RUFY1: variants seen among roughly 807,000 people sequenced by gnomAD.
RUFY1 encodes the protein RUN and FYVE domain-containing protein 1.
RUFY1 carries 54 observed loss-of-function variants against 94.6 expected under a neutral mutation model. The observed-to-expected ratio is 0.57, with a 90% CI of 0.46 to 0.72. RUFY1 has a LOEUF of 0.72. Ranked by LOEUF, RUFY1 falls within the 30% of genes least tolerant of loss-of-function variation. The pLI is 0.00. For missense variants in RUFY1, 883 were observed against 883.9 expected, an observed-to-expected ratio of 1.00 and a Z score of 0.01; for synonymous variants, 396 against 347.3, an observed-to-expected ratio of 1.14 and a Z score of -1.56.
rs769638332 is a variant in RUFY1, at chr5:179,607,673, C to T, written c.1983+14C>T. ...TCCCGGAGAAAGGTACGTGGGGGCT[C>T]CACCCACCCTCCCAGTGCCCTGAGT... On this transcript the variant is annotated intron_variant, in intron 17 of 17. Transcript: ENST00000319449. 4.9e-5 allele frequency: 78 copies of T among 1,603,574 alleles called. No homozygotes were observed. The highest frequency in any genetic ancestry group is 6.6e-5 in the Non-Finnish European group (77 of 1,170,892).
chr5:179,576,546 G>C (rs1040895344), intron 5 of RUFY1, among the ~76,000 whole-genome samples: 1 of 152,078 alleles, frequency 6.6e-6, no homozygotes, highest in African/African-American at 2.4e-5. Context: ...TCAGCTTCCC[G>C]ATTAGCTGGG....
At chr5:179,568,598 TTTTA>T (rs2127523514) in intron 4 of RUFY1, among the ~76,000 whole-genome samples, 1 of 152,348 alleles carries the variant, frequency 6.6e-6, no homozygotes, top group African/African-American at 2.4e-5. Context: ...TTTTTCAATT[TTTTA>T]TTTATAATCG....
At chr5:179,580,087 G>T (rs147563065) in intron 6 of RUFY1, among the ~76,000 whole-genome samples, 1 of 152,060 alleles carries the variant, frequency 6.6e-6, no homozygotes, top group Admixed American at 6.6e-5. Context: ...TTTTGCAGAC[G>T]TAAGAAAGAA....
At chr5:179,600,594 A>AT (rs894542269) in intron 14 of RUFY1, among the ~76,000 whole-genome samples, 45 of 149,050 alleles carry the variant, frequency 3.0e-4, no homozygotes, top group African/African-American at 1.1e-3. Flanking sequence ...TCTTCTATAG[A>AT]TTTTTTGAGA....
Position 179,609,590 on chromosome 5 carries a change from G to A in RUFY1, c.*71G>A. 7.3e-7 allele frequency: 1 copy of A among 1,374,376 alleles called. No individual in the cohort carries two copies. The highest frequency in any genetic ancestry group is 2.6e-5 in the Admixed American group (1 of 38,290). The allele number at this position is 1,374,376 out of a possible 1,614,324, so 85.1% of individuals were successfully genotyped here. A position where few individuals can be genotyped will look rare whatever the true frequency, so the allele number is the denominator to read the frequency against. Reference sequence around the variant, plus strand: ...GTGGGTCTCCAGGGGCTTGGGAAATGTGTTCTTTCCCAAGAGTATCAAAGG... The same window carrying A: ...GTGGGTCTCCAGGGGCTTGGGAAATATGTTCTTTCCCAAGAGTATCAAAGG... On this transcript the variant is annotated 3_prime_UTR_variant, in exon 18 of 18. Transcript: ENST00000319449.
intron 17 of RUFY1, chr5:179,608,744 G>A (rs914776333): frequency 4.1e-6 from 2 of 492,334 alleles, no homozygotes; most frequent in Non-Finnish European, 5.3e-6. Flanking sequence ...TGGCCAAGAT[G>A]GTGAAACCCC....
chr5:179,583,123 T>G (rs1764289940), intron 7 of RUFY1, among the ~76,000 whole-genome samples: 4 of 151,188 alleles, frequency 2.6e-5, no homozygotes, highest in Admixed American at 2.0e-4. Context: ...GCCAACATGG[T>G]GAAACCCCAT....
intron 5 of RUFY1, chr5:179,572,082 T>C (rs1398665335): frequency 6.0e-6 from 1 of 165,990 alleles, no homozygotes; most frequent in Non-Finnish European, 1.3e-5. Context: ...TAATATCAAA[T>C]GTGGGGAGCT....
At chr5:179,607,544 G>C in intron 16 of RUFY1, 38 bp from the exon 17 acceptor site, 1 of 1,592,338 alleles carries the variant, frequency 6.3e-7, no homozygotes, top group Non-Finnish European at 8.6e-7. Context: ...CAGGGGCTTA[G>C]ACAGAAAGTG....
chr5:179,582,325 C>T (rs1203810333), intron 7 of RUFY1, among the ~76,000 whole-genome samples: 5 of 151,694 alleles, frequency 3.3e-5, no homozygotes, highest in Admixed American at 2.0e-4. Flanking sequence ...CCCTGGGCTC[C>T]GGTGATTTGC....
At chr5:179,589,907 A>G (rs1232968893) in intron 9 of RUFY1, among the ~76,000 whole-genome samples, 1 of 152,164 alleles carries the variant, frequency 6.6e-6, no homozygotes, top group African/African-American at 2.4e-5. Flanking sequence ...CTCACCTGCC[A>G]TGTCCTCCAT....
chr5:179,602,084 G>A (rs940705699), intron 15 of RUFY1, 98 bp downstream of exon 15: 6 of 998,996 alleles, frequency 6.0e-6, no homozygotes, highest in African/African-American at 1.6e-5. Flanking sequence ...CGAACGGAGG[G>A]TGGGCCATTT....
chr5:179,572,133 C>G, intron 5 of RUFY1: 1 of 260,336 alleles, frequency 3.8e-6, no homozygotes, highest in Admixed American at 5.4e-5. Flanking sequence ...TCTGTCCAGC[C>G]TTTACCGCCA....
intron 14 of RUFY1, among the ~76,000 whole-genome samples, chr5:179,600,918 G>A (rs1562100579): frequency 6.6e-6 from 1 of 152,032 alleles, no homozygotes; most frequent in Non-Finnish European, 1.5e-5. Context: ...GGCTGGTCTT[G>A]AATGCCTGAC....
At chr5:179,559,094 C>G (rs1455694425) in intron 1 of RUFY1, among the ~76,000 whole-genome samples, 1 of 151,998 alleles carries the variant, frequency 6.6e-6, no homozygotes, top group Non-Finnish European at 1.5e-5. Flanking sequence ...ATTTCCAAGA[C>G]AATGTAAACG....
At chr5:179,607,291 G>C in intron 16 of RUFY1, 2 of 449,200 alleles carry the variant, frequency 4.5e-6, no homozygotes, top group Non-Finnish European at 4.0e-6. Flanking sequence ...GGAACTGATT[G>C]AAAGTGGGAG....
intron 5 of RUFY1, among the ~76,000 whole-genome samples, chr5:179,576,465 G>C (rs1448217113): frequency 6.6e-6 from 1 of 152,160 alleles, no homozygotes; most frequent in Non-Finnish European, 1.5e-5. Context: ...CTGTTGCCCA[G>C]GTTGGAGTGC....
rs748319712 is a variant in RUFY1 at position 179,577,159 on chromosome 5, CTTTTTTTTTTTTTTTT to C, written c.890+38_890+53del. 100 of 186,696 alleles carry C rather than the reference CTTTTTTTTTTTTTTTT, an allele frequency of 5.4e-4. 1 individual carries two copies. Among genetic ancestry groups the C allele is most frequent in the Admixed American group, 3.3e-3 (38 of 11,570 alleles). The allele number at this position is 186,696 out of a possible 1,614,324, so 11.6% of individuals were successfully genotyped here. A position where few individuals can be genotyped will look rare whatever the true frequency, so the allele number is the denominator to read the frequency against. On this transcript the variant is annotated intron_variant, in intron 6 of 17. Transcript: ENST00000319449. ...GGAGTAAGTACTGCGTTGTATGTCA[CTTTTTTTTTTTTTTTT>C]TTTTTTTTTTTTTTGAGACAGAATC...
chr5:179,597,595 C>G (rs1440234787), intron 13 of RUFY1, among the ~76,000 whole-genome samples: 1 of 152,142 alleles, frequency 6.6e-6, no homozygotes, highest in Non-Finnish European at 1.5e-5. Context: ...TGGTCTCAAT[C>G]TTCTGGCCTC....
Sources: gnomAD v4.1 joint callset for allele counts (sites outside exome capture counted in the v4.1 genomes callset) on GRCh38, gnomAD v4.1.1 for gene constraint, MANE v1.5 for transcripts, NCBI Gene and HGNC (gene_info 2026-07-23, HGNC 2026-07-21) for gene names.